FAM120A: variants seen among roughly 807,000 people sequenced by gnomAD.
FAM120A encodes constitutive coactivator of PPAR-gamma-like protein 1.
A neutral mutation model predicts 109.7 loss-of-function variants in FAM120A; 15 were observed. That is an observed-to-expected ratio of 0.14 (90% CI 0.09 to 0.21). The LOEUF (loss-of-function observed/expected upper bound fraction) is 0.21, where lower values mean the gene tolerates loss of function less well. Among genes scored for constraint, FAM120A ranks in the 10% least tolerant of loss-of-function variants. FAM120A has a pLI of 1.00. For synonymous variants in FAM120A, 493 were observed against 572.8 expected (o/e 0.86, Z 1.99); for missense variants, 899 against 1,439.3 (o/e 0.62, Z 6.07).
intron 1 of FAM120A, among the ~76,000 whole-genome samples, chr9:93,455,144 A>G (rs915415246): frequency 2.0e-5 from 3 of 152,280 alleles, no homozygotes; most frequent in Non-Finnish European, 2.9e-5. Flanking sequence ...GTATCCTTTA[A>G]TAAGTGAATG....
intron 10 of FAM120A, among the ~76,000 whole-genome samples, chr9:93,539,926 C>T (rs1215443625): frequency 1.3e-5 from 2 of 152,202 alleles, no homozygotes; most frequent in Non-Finnish European, 2.9e-5. Flanking sequence ...CTGTTTCAAC[C>T]CGAAAATTGG....
chr9:93,545,780 C>CTGTTTTTTTTTTTTTTTT (rs1752042165), intron 11 of FAM120A, among the ~76,000 whole-genome samples: 1 of 65,494 alleles, frequency 1.5e-5, no homozygotes. Flanking sequence ...GGAAAGACTC[C>CTGTTTTTTTTTTTTTTTT]TTTTTTTTTT....
chr9:93,554,413 T>C (rs1310751759), intron 12 of FAM120A, among the ~76,000 whole-genome samples: 1 of 152,170 alleles, frequency 6.6e-6, no homozygotes, highest in East Asian at 1.9e-4. Context: ...CTCATGCCTG[T>C]AATCGCAGCA....
chr9:93,480,947 G>A (rs1373816113), intron 3 of FAM120A, among the ~76,000 whole-genome samples: 4 of 152,216 alleles, frequency 2.6e-5, no homozygotes, highest in African/African-American at 9.6e-5. Context: ...GAAATGGAAG[G>A]CGTCAGGCAG....
rs1861354199 is a variant in FAM120A at position 93,532,177 on chromosome 9, C to G, written c.1757C>G (p.Ser586Cys). ...LTKGEIKIAV[S>C]IEDEANKDLP... ...AAGGGTGAAATCAAAATTGCTGTTT[C>G]TATTGAAGATGAAGCCAACAAGGAC... is the stretch of plus-strand genomic sequence containing the variant. The change falls in exon 10 of 18, where the codon TCT becomes TGT. Residue 586 changes from serine to cysteine, a missense_variant. Physicochemically the swap from Ser to Cys is moderately radical, Grantham distance 112. Coordinates refer to ENST00000277165, the MANE Select transcript of FAM120A (RefSeq NM_014612.5). The surrounding 1 kb of genome is among the most constrained non-coding windows in gnomAD (Gnocchi z 4.3). 1 of 1,614,042 alleles carries G rather than the reference C, an allele frequency of 6.2e-7. No homozygotes were observed. Among genetic ancestry groups the G allele is most frequent in the Non-Finnish European group, 8.5e-7 (1 of 1,179,944 alleles).
rs561345435 is a variant in FAM120A at position 93,508,374 on chromosome 9, T to C, written c.1031-7293T>C. Among the ~76,000 whole-genome samples the C allele has an allele frequency of 2.8e-4, 43 of 152,296 alleles. No homozygotes were observed. In the South Asian group the frequency reaches 7.5e-3, roughly 26 times the overall value. On this transcript the variant is annotated intron_variant, in intron 5 of 17. Transcript: ENST00000277165. Reference sequence around the variant, plus strand: ...GGGAAGGGCCCCGTGGTGTGTTTCATTGGGACAGGAGCCTGTGGTCAGCCT... The same window carrying C: ...GGGAAGGGCCCCGTGGTGTGTTTCACTGGGACAGGAGCCTGTGGTCAGCCT...
chr9:93,550,552 A>G (rs562565034), intron 11 of FAM120A, 25 bp from the exon 12 acceptor site: 39 of 1,591,720 alleles, frequency 2.5e-5, no homozygotes, highest in Admixed American at 1.0e-4. Flanking sequence ...GTAATCACCA[A>G]CCTTTTGTTT....
At position 93,500,649 on chromosome 9, in the gene FAM120A, A is replaced by C. The variant is rs1168490901; in HGVS notation, c.1030+1763A>C. On this transcript the variant is annotated intron_variant, in intron 5 of 17. Transcript: ENST00000277165. The surrounding 1 kb of genome is among the most constrained non-coding windows in gnomAD (Gnocchi z 4.6). Reference sequence around the variant, plus strand: ...ACTTGGTTTTTAAATCAAGAGAGTGAAGTGGTGAGATGTGTTTTAGGATTA... The same window carrying C: ...ACTTGGTTTTTAAATCAAGAGAGTGCAGTGGTGAGATGTGTTTTAGGATTA... Among the ~76,000 whole-genome samples the C allele has an allele frequency of 6.6e-6, 1 of 152,214 alleles. No individual in the cohort carries two copies. The highest frequency in any genetic ancestry group is 1.5e-5 in the Non-Finnish European group (1 of 68,038).
At chr9:93,554,120 T>TACACACACAC (rs10672125) in intron 12 of FAM120A, among the ~76,000 whole-genome samples, 6,327 of 87,220 alleles carry the variant, frequency 0.073, 866 homozygotes, top group Non-Finnish European at 0.086. Flanking sequence ...GGCCATTTGA[T>TACACACACAC]ACACACACAC....
intron 5 of FAM120A, among the ~76,000 whole-genome samples, chr9:93,512,713 C>T (rs866316296): frequency 2.0e-5 from 3 of 151,994 alleles, no homozygotes; most frequent in Non-Finnish European, 4.4e-5. Context: ...GAACAAGAAC[C>T]GATATAGACG....
At chr9:93,495,202 G>A (rs1291583536) in intron 3 of FAM120A, among the ~76,000 whole-genome samples, 1 of 152,142 alleles carries the variant, frequency 6.6e-6, no homozygotes, top group African/African-American at 2.4e-5. Context: ...CCCTGTGGAG[G>A]GTACCATCTC....
intron 2 of FAM120A, 62 bp downstream of exon 2, chr9:93,471,449 T>G: frequency 6.3e-7 from 1 of 1,582,750 alleles, no homozygotes; most frequent in Non-Finnish European, 8.6e-7. Flanking sequence ...CACATTGATC[T>G]TTTAAGTGTT....
At chr9:93,478,659 AGAGGCAGGGT>A (rs1858655453) in intron 3 of FAM120A, among the ~76,000 whole-genome samples, 1 of 152,132 alleles carries the variant, frequency 6.6e-6, no homozygotes, top group Non-Finnish European at 1.5e-5. Context: ...TGTTTTTAGT[AGAGGCAGGGT>A]TTCACCATGT....
intron 10 of FAM120A, among the ~76,000 whole-genome samples, chr9:93,535,658 T>A (rs1861488205): frequency 6.6e-6 from 1 of 152,198 alleles, no homozygotes. Flanking sequence ...AAATTGAACT[T>A]GTTTCATGCG....
At chr9:93,553,342 T>C (rs1373751367) in intron 12 of FAM120A, among the ~76,000 whole-genome samples, 1 of 152,230 alleles carries the variant, frequency 6.6e-6, no homozygotes, top group Non-Finnish European at 1.5e-5. Flanking sequence ...CAGTTTCACA[T>C]GCCAAGTGCA....
At chr9:93,548,507 A>G (rs757707397) in intron 11 of FAM120A, among the ~76,000 whole-genome samples, 1 of 152,210 alleles carries the variant, frequency 6.6e-6, no homozygotes, top group Non-Finnish European at 1.5e-5. Context: ...GATGATGGTC[A>G]TGGTTGCACA....
intron 15 of FAM120A, among the ~76,000 whole-genome samples, chr9:93,559,789 T>C (rs1299804867): frequency 6.6e-6 from 1 of 152,198 alleles, no homozygotes; most frequent in East Asian, 1.9e-4. Context: ...ATGGATAGTG[T>C]AGGGCAAGAA....
chr9:93,558,207 A>T (rs1862358973), intron 14 of FAM120A, among the ~76,000 whole-genome samples, 197 bp downstream of exon 14: 1 of 152,270 alleles, frequency 6.6e-6, no homozygotes, highest in South Asian at 2.1e-4. Context: ...GCTGATGCAG[A>T]TGCAAAAGCT....
In FAM120A at chr9:93,498,341, G is replaced by A. The variant is rs569933450; in HGVS notation, c.934-449G>A. Among the ~76,000 whole-genome samples, 12 of 152,302 alleles carry A rather than the reference G, an allele frequency of 7.9e-5. No individual in the cohort carries two copies. The highest frequency in any genetic ancestry group is 2.1e-4 in the South Asian group (1 of 4,828). On this transcript the variant is annotated intron_variant, in intron 4 of 17. Coordinates refer to ENST00000277165, the MANE Select transcript of FAM120A (RefSeq NM_014612.5). This position sits in a 1 kb window ranked among gnomAD's most constrained non-coding sequence, Gnocchi z 4.4. ...CCGTAAGGCAGAGGCTGCAGTGAGC[G>A]GAGATCATGCCACCGCACTCCAGCC... is the stretch of plus-strand genomic sequence containing the variant.
Sources: gnomAD v4.1 joint callset for allele counts (sites outside exome capture counted in the v4.1 genomes callset) on GRCh38, gnomAD v4.1.1 for gene constraint, Gnocchi (gnomAD v3.1) non-coding constraint, MANE v1.5 for transcripts, NCBI Gene and HGNC (gene_info 2026-07-23, HGNC 2026-07-21) for gene names.